The following ANK2 variants were observed in gnomAD, a reference collection of about 807,000 sequenced individuals.
ANK2 encodes the protein ankyrin 2.
A neutral mutation model predicts 360.5 loss-of-function variants in ANK2; 83 were observed. The observed-to-expected ratio is 0.23, with a 90% CI of 0.19 to 0.28. The LOEUF (loss-of-function observed/expected upper bound fraction) is 0.28. Ranked by LOEUF, ANK2 falls within the 10% of genes least tolerant of loss-of-function variation. ANK2 has a pLI of 1.00. For synonymous variants in ANK2, 1,740 were observed against 1,759.5 expected, an observed-to-expected ratio of 0.99 and a Z score of 0.28; for missense variants, 4,201 against 4,795.7, an observed-to-expected ratio of 0.88 and a Z score of 3.66.
Position 113,199,179 on chromosome 4 carries a change from G to T in ANK2, c.384+70G>T. 2.4e-6 allele frequency: 3 copies of T among 1,228,144 alleles called. No homozygotes were observed. In the South Asian group the frequency reaches 3.7e-5, roughly 15 times the overall value. The allele number at this position is 1,228,144 out of a possible 1,614,324, so 76.1% of individuals were successfully genotyped here. On this transcript the variant is annotated intron_variant, in intron 4 of 45. Coordinates refer to ENST00000357077, the MANE Select transcript of ANK2 (RefSeq NM_001148.6). ...AACAGTTTTGTGAAATTGATTTAAT[G>T]TGTTTAGCTAGCTGTTCTACTGATA...
intron 2 of ANK2, among the ~76,000 whole-genome samples, chr4:113,023,689 T>G (rs766343398): frequency 1.3e-5 from 2 of 152,238 alleles, no homozygotes; most frequent in Non-Finnish European, 2.9e-5. Context: ...GTTTTCTGTC[T>G]TCATGTTCAT....
intron 10 of ANK2, among the ~76,000 whole-genome samples, chr4:113,253,844 C>T (rs2047821042): frequency 6.6e-6 from 1 of 152,046 alleles, no homozygotes; most frequent in African/African-American, 2.4e-5. Context: ...ATCCTGTTGC[C>T]CTAAACCTTC....
At chr4:113,374,784 C>A in intron 45 of ANK2, 2 of 1,147,882 alleles carry the variant, frequency 1.7e-6, no homozygotes, top group South Asian at 1.9e-5. Context: ...GTGAGCCCAG[C>A]ATTTTGTCCA....
intron 26 of ANK2, among the ~76,000 whole-genome samples, chr4:113,322,236 A>G (rs1221239352): frequency 6.6e-6 from 1 of 152,220 alleles, no homozygotes; most frequent in East Asian, 1.9e-4. Flanking sequence ...CTAGAGAACA[A>G]TAGGTATCAG....
chr4:112,935,767 T>C (rs1433833015), intron 2 of ANK2, among the ~76,000 whole-genome samples: 3 of 151,914 alleles, frequency 2.0e-5, no homozygotes, highest in Non-Finnish European at 4.4e-5. Flanking sequence ...GCTTGAACCA[T>C]GGGAGGCAGA....
chr4:113,230,446 CAG>C (rs2099277426), intron 4 of ANK2, among the ~76,000 whole-genome samples: 1 of 151,638 alleles, frequency 6.6e-6, no homozygotes, highest in Admixed American at 6.6e-5. Flanking sequence ...ACCTGGGAGG[CAG>C]AGGTTGCAGT....
chr4:113,336,354 TC>T, intron 30 of ANK2: 1 of 592,374 alleles, frequency 1.7e-6, no homozygotes, highest in East Asian at 2.8e-5. Context: ...ATCAGATTAT[TC>T]CTAGTAAGCA....
intron 2 of ANK2, among the ~76,000 whole-genome samples, chr4:112,940,110 C>G (rs1190836425): frequency 1.3e-5 from 2 of 152,146 alleles, no homozygotes; most frequent in African/African-American, 4.8e-5. Context: ...TTTACTAGGT[C>G]ATAAACTTCC....
chr4:113,008,370 T>G (rs1263853721), intron 2 of ANK2, among the ~76,000 whole-genome samples: 2 of 152,130 alleles, frequency 1.3e-5, no homozygotes, highest in Non-Finnish European at 2.9e-5. Context: ...AATTCTGATA[T>G]GCCAATAGAA....
the ANK2 span, among the ~76,000 whole-genome samples, chr4:112,716,670 A>G: frequency 4.7e-4 from 72 of 152,210 alleles, no homozygotes; most frequent in African/African-American, 1.7e-3. Context: ...GGCTCAAGTG[A>G]TCCTCCTGCC....
chr4:112,738,911 G>A, the ANK2 span: 1 of 683,846 alleles, frequency 1.5e-6, no homozygotes, highest in Non-Finnish European at 2.6e-6. Context: ...CAAAGCACAT[G>A]CTGCTAGTGG....
At chr4:112,994,106 A>G (rs2047750475) in intron 2 of ANK2, among the ~76,000 whole-genome samples, 1 of 152,216 alleles carries the variant, frequency 6.6e-6, no homozygotes, top group Non-Finnish European at 1.5e-5. Context: ...TTGGATGCTG[A>G]TGTTTGGATC....
chr4:113,001,926 A>G (rs2050844269), intron 2 of ANK2, among the ~76,000 whole-genome samples: 1 of 152,064 alleles, frequency 6.6e-6, no homozygotes, highest in South Asian at 2.1e-4. Flanking sequence ...GAAAGCCCAA[A>G]TTCTCCCTTT....
In ANK2 at chr4:113,353,540, C is replaced by T. The variant is rs2095547035; in HGVS notation, c.4922C>T (p.Thr1641Ile). 1.2e-6 allele frequency: 2 copies of T among 1,613,938 alleles called. No individual in the cohort carries two copies. The highest frequency in any genetic ancestry group is 1.7e-6 in the Non-Finnish European group (2 of 1,179,968). The change falls in exon 38 of 46, where the codon ACT (threonine) becomes ATT (isoleucine). Residue 1641 changes from threonine (T) to isoleucine (I), a missense_variant. Thr to Ile is a moderately conservative substitution (Grantham distance 89, BLOSUM62 -1). Transcript: ENST00000357077. ...TCAACTGGGCTAGTGAACTACCTTA[C>T]TGATGATCTGAATACCTGTGTGCCT... is the stretch of plus-strand genomic sequence containing the variant. ...KDSTGLVNYL[T>I]DDLNTCVPLP...
chr4:113,366,825 A>C (rs746107309), intron 41 of ANK2, among the ~76,000 whole-genome samples: 3 of 152,196 alleles, frequency 2.0e-5, no homozygotes, highest in Non-Finnish European at 4.4e-5. Flanking sequence ...GCAGAAATGC[A>C]AGTTCAGTGG....
Position 113,059,507 on chromosome 4 carries a change from A to G in ANK2, c.84+9695A>G, listed in dbSNP as rs2072012539. On this transcript the variant is annotated intron_variant, in intron 1 of 45. Coordinates refer to ENST00000357077, the MANE Select transcript of ANK2 (RefSeq NM_001148.6). ...TCAAAAGAGACTGTATAAATAGCCT[A>G]TAAACATCAGTTCTGTTCAATGTGA... Among the ~76,000 whole-genome samples, 3 of 152,276 alleles carry G rather than the reference A, an allele frequency of 2.0e-5. No individual in the cohort carries two copies. The South Asian group carries it at 6.2e-4, about 32-fold the overall frequency.
chr4:112,892,933 C>G (rs746817116), intron 1 of ANK2, among the ~76,000 whole-genome samples: 1 of 152,148 alleles, frequency 6.6e-6, no homozygotes, highest in Non-Finnish European at 1.5e-5. Flanking sequence ...GTGGGTAAAT[C>G]TTCATTCATT....
At chr4:113,347,956 A>G (rs2095055438) in intron 35 of ANK2, 4 of 355,662 alleles carry the variant, frequency 1.1e-5, no homozygotes, top group African/African-American at 8.2e-5. Flanking sequence ...TATTATCATC[A>G]CTATTTCTAA....
chr4:113,073,216 A>G (rs1175030377), intron 1 of ANK2, among the ~76,000 whole-genome samples: 1 of 151,880 alleles, frequency 6.6e-6, no homozygotes, highest in African/African-American at 2.4e-5. Flanking sequence ...TCGGCCTCCC[A>G]AAGTGCTGGA....
Sources: allele counts gnomAD v4.1 joint callset (sites outside exome capture counted in the v4.1 genomes callset), GRCh38; gene constraint gnomAD v4.1.1; transcripts MANE v1.5; gene names NCBI Gene and HGNC (gene_info 2026-07-23, HGNC 2026-07-21).